PLXNA2: variants seen among roughly 807,000 people sequenced by gnomAD.
PLXNA2 encodes plexin-A2.
A neutral mutation model predicts 193.5 loss-of-function variants in PLXNA2; 91 were observed. The observed-to-expected ratio is 0.47, with a 90% CI of 0.40 to 0.56. The LOEUF (loss-of-function observed/expected upper bound fraction) is 0.56. Among genes scored for constraint, PLXNA2 ranks in the 20% least tolerant of loss-of-function variants. The probability of loss-of-function intolerance (pLI) is 0.00; values close to 1 mark genes in which losing one functional copy is unlikely to be tolerated. For missense variants in PLXNA2, 1,995 were observed against 2,503.2 expected, an observed-to-expected ratio of 0.80 and a Z score of 4.33; for synonymous variants, 997 against 1,027.3, an observed-to-expected ratio of 0.97 and a Z score of 0.56.
At chr1:208,128,404 C>T (rs1223044656) in intron 4 of PLXNA2, among the ~76,000 whole-genome samples, 1 of 152,150 alleles carries the variant, frequency 6.6e-6, no homozygotes, top group South Asian at 2.1e-4. Context: ...GAGGGTTTGG[C>T]TCTCACACTG....
At chr1:208,199,855 A>G (rs180820645) in intron 3 of PLXNA2, among the ~76,000 whole-genome samples, 1 of 152,322 alleles carries the variant, frequency 6.6e-6, no homozygotes, top group East Asian at 1.9e-4. Flanking sequence ...TTCATAAAAT[A>G]GAACAATACG....
At position 208,073,222 on chromosome 1, in the gene PLXNA2, T is replaced by C. The variant is rs541793852; in HGVS notation, c.2586+6038A>G. On this transcript the variant is annotated intron_variant, in intron 12 of 31. Transcript: ENST00000367033. Reference sequence around the variant, plus strand: ...TAGAATGTTGGCTGGTCTGCTCATGTCCCTTGCCTGAGGTCCTGAGGTTAG... The same window carrying C: ...TAGAATGTTGGCTGGTCTGCTCATGCCCCTTGCCTGAGGTCCTGAGGTTAG... Among the ~76,000 whole-genome samples the C allele has an allele frequency of 1.3e-4, 20 of 152,352 alleles. No homozygotes were observed. In the South Asian group the frequency reaches 4.1e-3, roughly 32 times the overall value.
chr1:208,126,510 G>T (rs1016518199), intron 4 of PLXNA2, among the ~76,000 whole-genome samples: 2 of 152,226 alleles, frequency 1.3e-5, no homozygotes, highest in Non-Finnish European at 2.9e-5. Context: ...TTGAATGTTT[G>T]CTGTGTTCTA....
intron 8 of PLXNA2, 27 bp downstream of exon 8, chr1:208,096,002 G>A: frequency 6.4e-7 from 1 of 1,566,444 alleles, no homozygotes; most frequent in South Asian, 1.1e-5. Context: ...CAGACCCAGA[G>A]CAAGACCCTT....
intron 3 of PLXNA2, among the ~76,000 whole-genome samples, chr1:208,169,506 C>T (rs1012496223): frequency 4.6e-5 from 7 of 152,178 alleles, no homozygotes; most frequent in African/African-American, 1.4e-4. Flanking sequence ...TTTGGGTGTA[C>T]GTGGCCCTGT....
intron 2 of PLXNA2, among the ~76,000 whole-genome samples, chr1:208,214,740 G>A (rs945712405): frequency 1.3e-5 from 2 of 152,068 alleles, no homozygotes; most frequent in African/African-American, 4.8e-5. Flanking sequence ...ACATTTCCAG[G>A]CATGGTGCTA....
At chr1:208,076,160 T>A (rs897343396) in intron 12 of PLXNA2, among the ~76,000 whole-genome samples, 1 of 151,664 alleles carries the variant, frequency 6.6e-6, no homozygotes, top group African/African-American at 2.4e-5. Context: ...CTCGGACTTC[T>A]GGAATCAAGT....
intron 12 of PLXNA2, among the ~76,000 whole-genome samples, chr1:208,076,689 C>CA (rs1360136938): frequency 6.6e-6 from 1 of 151,876 alleles, no homozygotes; most frequent in Non-Finnish European, 1.5e-5. Flanking sequence ...TCATAAAAGA[C>CA]AAAAAAAGAC....
chr1:208,060,984 T>C, intron 12 of PLXNA2, 147 bp from the exon 13 acceptor site: 1 of 640,098 alleles, frequency 1.6e-6, no homozygotes, highest in African/African-American at 1.8e-5. Flanking sequence ...GTGCGTTTTG[T>C]CCACTTTTTA....
intron 4 of PLXNA2, among the ~76,000 whole-genome samples, chr1:208,130,042 C>T (rs1668099462): frequency 6.6e-6 from 1 of 152,214 alleles, no homozygotes; most frequent in South Asian, 2.1e-4. Context: ...AGTCAGCCTT[C>T]TCATCACCTG....
chr1:208,119,209 TGGA>T (rs1482368944), intron 4 of PLXNA2, among the ~76,000 whole-genome samples: 1 of 151,810 alleles, frequency 6.6e-6, no homozygotes, highest in Admixed American at 6.6e-5. Flanking sequence ...AAGGTGAAAG[TGGA>T]GGAGGTCAGC....
intron 4 of PLXNA2, among the ~76,000 whole-genome samples, chr1:208,126,209 G>A (rs557986420): frequency 6.6e-6 from 1 of 152,284 alleles, no homozygotes; most frequent in African/African-American, 2.4e-5. Context: ...GTGAGCAGGA[G>A]GCTAGCTTAC....
chr1:208,244,265 C>A lies in PLXNA2; in HGVS notation c.-703G>T. 1 of 194,476 alleles carries A rather than the reference C, an allele frequency of 5.1e-6. No homozygotes were observed. Among genetic ancestry groups the A allele is most frequent in the Non-Finnish European group, 1.0e-5 (1 of 98,310 alleles). 12.0% of individuals were successfully genotyped at this position (194,476 alleles called of 1,614,324 possible). On this transcript the variant is annotated 5_prime_UTR_variant, in exon 1 of 32. Coordinates refer to ENST00000367033, the MANE Select transcript of PLXNA2 (RefSeq NM_025179.4). ...CCGCCGCCCTCCCGCTCCAGTCTGG[C>A]GCGGATGCCGCTCCTCCCGGCAGCT...
chr1:208,076,632 G>A (rs1666159180), intron 12 of PLXNA2, among the ~76,000 whole-genome samples: 1 of 151,936 alleles, frequency 6.6e-6, no homozygotes, highest in Non-Finnish European at 1.5e-5. Context: ...CCAAATTGAG[G>A]GACATTCTAC....
At position 208,026,652 on chromosome 1, in the gene PLXNA2, C is replaced by CTTTTTTTT. The variant is rs34577290; in HGVS notation, c.*583_*590dup. The CTTTTTTTT allele has an allele frequency of 7.1e-6, 1 of 140,810 alleles. No homozygotes were observed. The allele number at this position is 140,810 out of a possible 1,614,324, so 8.7% of individuals were successfully genotyped here. A position where few individuals can be genotyped will look rare whatever the true frequency, so the allele number is the denominator to read the frequency against. On this transcript the variant is annotated 3_prime_UTR_variant, in exon 32 of 32. Transcript: ENST00000367033. ...TCATCATTCTTCTTCTCCTCTTTCTCTTTTTTTTTTTTTTTTTAATTTCAA... is the reference window on the plus strand; with the variant it reads ...TCATCATTCTTCTTCTCCTCTTTCTCTTTTTTTTTTTTTTTTTTTTTTTTTAATTTCAA...
At chr1:208,148,939 T>C (rs1668676005) in intron 3 of PLXNA2, among the ~76,000 whole-genome samples, 11 of 152,206 alleles carry the variant, frequency 7.2e-5, no homozygotes. Flanking sequence ...GAGCTCAGAT[T>C]TCTTAGAAAC....
At chr1:208,080,783 C>T (rs751735617) in intron 11 of PLXNA2, among the ~76,000 whole-genome samples, 8 of 152,286 alleles carry the variant, frequency 5.3e-5, no homozygotes, top group African/African-American at 1.4e-4. Flanking sequence ...TTGATCCTCA[C>T]GGTGACCCTG....
At chr1:208,220,862 G>A (rs1409065289) in intron 1 of PLXNA2, among the ~76,000 whole-genome samples, 1 of 152,176 alleles carries the variant, frequency 6.6e-6, no homozygotes, top group Non-Finnish European at 1.5e-5. Context: ...CACTGTGGGT[G>A]TGCCTTTGAT....
rs75072907 is a variant in PLXNA2, at chr1:208,051,969, G to A, written c.2993+358C>T. Among the ~76,000 whole-genome samples, 23 of 152,306 alleles carry A rather than the reference G, an allele frequency of 1.5e-4. No individual in the cohort carries two copies. In the East Asian group the frequency reaches 2.7e-3, roughly 18 times the overall value. On this transcript the variant is annotated intron_variant, in intron 15 of 31. Coordinates refer to ENST00000367033, the MANE Select transcript of PLXNA2 (RefSeq NM_025179.4). ...CAGAGGATTCCCTAAGCATAAGTCT[G>A]TGCTTTCTAAGAACTGAGGCTATGC...
Sources: gnomAD v4.1 joint callset for allele counts (sites outside exome capture counted in the v4.1 genomes callset) on GRCh38, gnomAD v4.1.1 for gene constraint, MANE v1.5 for transcripts, NCBI Gene and HGNC (gene_info 2026-07-23, HGNC 2026-07-21) for gene names.